Variants in NLGN1 observed in about 807,000 individuals in gnomAD.
NLGN1 encodes neuroligin-1.
Under a neutral mutation model 65.5 loss-of-function variants are expected in NLGN1, and 12 were observed. The observed-to-expected ratio is 0.18, with a 90% CI of 0.12 to 0.30. NLGN1 has a LOEUF of 0.30. NLGN1 is among the 10% of genes least tolerant of loss of function. The pLI is 1.00. For missense variants in NLGN1, 750 were observed against 1,007.1 expected (o/e 0.74, Z 3.46); for synonymous variants, 350 against 359.5 (o/e 0.97, Z 0.30).
chr3:173,861,734 G>A (rs552191687), intron 4 of NLGN1, among the ~76,000 whole-genome samples: 1 of 151,976 alleles, frequency 6.6e-6, no homozygotes, highest in Non-Finnish European at 1.5e-5. Context: ...GTGTGTTTGT[G>A]TGTGTTTCTA....
At chr3:173,799,388 A>G (rs1037101779) in intron 3 of NLGN1, among the ~76,000 whole-genome samples, 1 of 151,942 alleles carries the variant, frequency 6.6e-6, no homozygotes, top group South Asian at 2.1e-4. Flanking sequence ...GTGCTCCTTT[A>G]TTCTTGCAAA....
chr3:173,908,944 C>G (rs1181708166), intron 4 of NLGN1, among the ~76,000 whole-genome samples: 1 of 152,040 alleles, frequency 6.6e-6, no homozygotes, highest in African/African-American at 2.4e-5. Context: ...GTAATAACAT[C>G]AACTGGCCAG....
chr3:174,062,317 T>A (rs1445639591), intron 4 of NLGN1, among the ~76,000 whole-genome samples: 1 of 152,122 alleles, frequency 6.6e-6, no homozygotes. Context: ...GCACATAATC[T>A]AAGGTAGAAG....
intron 4 of NLGN1, among the ~76,000 whole-genome samples, chr3:174,119,704 G>A (rs926774884): frequency 2.0e-5 from 3 of 152,152 alleles, no homozygotes; most frequent in Admixed American, 1.3e-4. Flanking sequence ...AGTGCTCTGG[G>A]AATATTTGCC....
At chr3:174,247,649 T>G (rs1454230009) in intron 4 of NLGN1, among the ~76,000 whole-genome samples, 3 of 152,194 alleles carry the variant, frequency 2.0e-5, no homozygotes, top group Non-Finnish European at 4.4e-5. Context: ...TGGACCAACT[T>G]GCATTCATTA....
Position 173,418,969 on chromosome 3 carries a change from T to A in NLGN1, c.-389-16041T>A, listed in dbSNP as rs1282216758. ...ATTTGTAAACTTCCTTAAAATATGA[T>A]GATTTTTTTTTTTTGCAGTTTCCTT... is the stretch of plus-strand genomic sequence containing the variant. On this transcript the variant is annotated intron_variant, in intron 1 of 6. Transcript: ENST00000457714. Among the ~76,000 whole-genome samples the A allele has an allele frequency of 2.8e-5, 4 of 142,592 alleles. No homozygotes were observed. The Admixed American group carries it at 3.0e-4, about 11-fold the overall frequency. The allele number at this position is 142,592 out of a possible 152,430, so 93.5% of individuals were successfully genotyped here. A position where few individuals can be genotyped will look rare whatever the true frequency, so the allele number is the denominator to read the frequency against.
chr3:173,630,541 C>G (rs1344241615), intron 3 of NLGN1, among the ~76,000 whole-genome samples: 1 of 151,972 alleles, frequency 6.6e-6, no homozygotes, highest in South Asian at 2.1e-4. Context: ...TTTCTAGGTA[C>G]ATCTTACTGA....
chr3:174,102,824 G>C (rs764413971), intron 4 of NLGN1, among the ~76,000 whole-genome samples: 1 of 150,768 alleles, frequency 6.6e-6, no homozygotes, highest in African/African-American at 2.4e-5. Flanking sequence ...TATTAGATTC[G>C]CCAGGAGAAG....
rs533796807 is a variant in NLGN1 at position 174,158,438 on chromosome 3, A to G, written c.647-116877A>G. On this transcript the variant is annotated intron_variant, in intron 4 of 6. Coordinates refer to ENST00000457714, the Ensembl canonical transcript of NLGN1. ...AAGAAGAGATAACATTTCTAACCAT[A>G]TAAACATTAGAGACAATATAAAATA... is the stretch of plus-strand genomic sequence containing the variant. Among the ~76,000 whole-genome samples the G allele has an allele frequency of 1.3e-4, 19 of 151,944 alleles. No homozygotes were observed. In the East Asian group the frequency reaches 2.7e-3, roughly 22 times the overall value.
chr3:173,463,915 C>T (rs145481235), intron 2 of NLGN1, among the ~76,000 whole-genome samples: 30 of 151,750 alleles, frequency 2.0e-4, no homozygotes, highest in African/African-American at 7.0e-4. Flanking sequence ...ATAGTTGTTA[C>T]TTAAAGATAA....
At chr3:173,472,347 T>C (rs1306803333) in intron 2 of NLGN1, among the ~76,000 whole-genome samples, 1 of 152,278 alleles carries the variant, frequency 6.6e-6, no homozygotes, top group African/African-American at 2.4e-5. Context: ...TTAGTCATAA[T>C]GTCTTTATGA....
At chr3:173,798,114 G>A (rs910224216) in intron 3 of NLGN1, among the ~76,000 whole-genome samples, 7 of 152,050 alleles carry the variant, frequency 4.6e-5, no homozygotes, top group African/African-American at 2.4e-5. Context: ...GATTTTACAC[G>A]TGCCTCCAAA....
intron 3 of NLGN1, among the ~76,000 whole-genome samples, chr3:173,747,113 A>G (rs1055904359): frequency 4.0e-5 from 6 of 148,154 alleles, no homozygotes; most frequent in Non-Finnish European, 8.9e-5. Flanking sequence ...TGTGTATACC[A>G]CGTGTATACG....
At chr3:173,670,841 AAAAT>A (rs1329988860) in intron 3 of NLGN1, among the ~76,000 whole-genome samples, 1 of 152,204 alleles carries the variant, frequency 6.6e-6, no homozygotes, top group Non-Finnish European at 1.5e-5. Flanking sequence ...CTTAGCATAA[AAAAT>A]AAAGGCTAAA....
At chr3:173,979,239 A>G (rs1718226521) in intron 4 of NLGN1, among the ~76,000 whole-genome samples, 2 of 152,170 alleles carry the variant, frequency 1.3e-5, no homozygotes, top group South Asian at 4.1e-4. Flanking sequence ...GATTGTAAAG[A>G]GAAATAGATA....
At chr3:173,420,718 A>T (rs1489559313) in intron 1 of NLGN1, among the ~76,000 whole-genome samples, 1 of 152,116 alleles carries the variant, frequency 6.6e-6, no homozygotes, top group African/African-American at 2.4e-5. Context: ...ACTATATTTT[A>T]TGTGTGGCCC....
intron 4 of NLGN1, among the ~76,000 whole-genome samples, chr3:173,884,350 C>T (rs1364123640): frequency 1.3e-5 from 2 of 152,126 alleles, no homozygotes; most frequent in African/African-American, 2.4e-5. Flanking sequence ...ACATCCCGTC[C>T]TAGTCTTACA....
chr3:173,852,760 A>G (rs1454760106), intron 4 of NLGN1, among the ~76,000 whole-genome samples: 1 of 152,154 alleles, frequency 6.6e-6, no homozygotes, highest in Non-Finnish European at 1.5e-5. Context: ...TCTATATTCT[A>G]GTGGAGCTTT....
At chr3:173,692,716 A>C (rs570668042) in intron 3 of NLGN1, among the ~76,000 whole-genome samples, 6 of 152,170 alleles carry the variant, frequency 3.9e-5, no homozygotes, top group African/African-American at 1.4e-4. Flanking sequence ...ATTAATATGA[A>C]CTAAAATGAT....
Sources: allele counts gnomAD v4.1 joint callset (sites outside exome capture counted in the v4.1 genomes callset), GRCh38; gene constraint gnomAD v4.1.1; transcripts MANE v1.5; gene names NCBI Gene and HGNC (gene_info 2026-07-23, HGNC 2026-07-21).